The following GALNT13 variants were observed in gnomAD, a reference collection of about 807,000 sequenced individuals.
The protein encoded by GALNT13 is UDP-GalNAc:polypeptide N-acetylgalactosaminyltransferase 13.
GALNT13 carries 28 observed loss-of-function variants against 64.2 expected under a neutral mutation model. The observed-to-expected ratio is 0.44, with a 90% CI of 0.32 to 0.60. The LOEUF is 0.60. Among genes scored for constraint, GALNT13 ranks in the 20% least tolerant of loss-of-function variants. The probability of loss-of-function intolerance (pLI) is 0.05; values close to 1 mark genes in which losing one functional copy is unlikely to be tolerated. For missense variants in GALNT13, 577 were observed against 669.8 expected (o/e 0.86, Z 1.53); for synonymous variants, 214 against 224.6 (o/e 0.95, Z 0.42).
At chr2:154,086,854 A>G (rs2105428846) in intron 3 of GALNT13, among the ~76,000 whole-genome samples, 1 of 152,290 alleles carries the variant, frequency 6.6e-6, no homozygotes, top group Middle Eastern at 3.4e-3. Flanking sequence ...AAGTGAATTT[A>G]TAAACATACC....
intron 3 of GALNT13, among the ~76,000 whole-genome samples, chr2:154,087,406 A>C (rs1279462553): frequency 6.6e-6 from 1 of 152,050 alleles, no homozygotes; most frequent in Non-Finnish European, 1.5e-5. Flanking sequence ...TTATACTGAA[A>C]CATTTTTAAC....
chr2:153,826,705 G>T, the GALNT13 span, among the ~76,000 whole-genome samples: 17 of 152,172 alleles, frequency 1.1e-4, no homozygotes, highest in African/African-American at 3.9e-4. Flanking sequence ...ATGAATGTCT[G>T]GGAAAGGGTA....
the GALNT13 span, among the ~76,000 whole-genome samples, chr2:153,635,439 T>G: frequency 6.9e-6 from 1 of 145,864 alleles, no homozygotes. Flanking sequence ...TATATATATA[T>G]ACACACATAT....
chr2:154,169,209 T>A (rs1029211659), intron 4 of GALNT13, among the ~76,000 whole-genome samples: 1 of 151,982 alleles, frequency 6.6e-6, no homozygotes, highest in African/African-American at 2.4e-5. Context: ...GGAAATCAAA[T>A]CTCAACATGA....
chr2:153,553,259 G>A, the GALNT13 span, among the ~76,000 whole-genome samples: 8 of 144,744 alleles, frequency 5.5e-5, no homozygotes, highest in South Asian at 1.5e-3. Flanking sequence ...AGTCCTTTGG[G>A]AGGTTGAGGC....
chr2:154,285,567 T>C (rs988173827), intron 8 of GALNT13, among the ~76,000 whole-genome samples: 1 of 152,192 alleles, frequency 6.6e-6, no homozygotes, highest in African/African-American at 2.4e-5. Context: ...TCTGTTTTAC[T>C]GGTCTATGTG....
At chr2:153,501,106 G>T in the GALNT13 span, among the ~76,000 whole-genome samples, 1 of 151,866 alleles carries the variant, frequency 6.6e-6, no homozygotes, top group Admixed American at 6.6e-5. Flanking sequence ...ATTTTGGGAA[G>T]CCTATCAAAT....
chr2:153,315,866 A>C, the GALNT13 span, among the ~76,000 whole-genome samples: 1 of 152,216 alleles, frequency 6.6e-6, no homozygotes, highest in Non-Finnish European at 1.5e-5. Context: ...CAAATAGGCA[A>C]GCTACATACT....
chr2:153,415,215 A>C, the GALNT13 span, among the ~76,000 whole-genome samples: 5 of 152,156 alleles, frequency 3.3e-5, no homozygotes, highest in African/African-American at 9.7e-5. Context: ...GTATGTTGAC[A>C]TGGGCCCTGC....
chr2:153,229,692 G>A, the GALNT13 span, among the ~76,000 whole-genome samples: 1 of 152,156 alleles, frequency 6.6e-6, no homozygotes, highest in South Asian at 2.1e-4. Context: ...CATGCATTTG[G>A]TGAGGGTCAG....
At chr2:153,353,782 A>G in the GALNT13 span, among the ~76,000 whole-genome samples, 2 of 152,176 alleles carry the variant, frequency 1.3e-5, no homozygotes, top group Admixed American at 6.5e-5. Context: ...CAAGTCTTAC[A>G]TACCTGGAAT....
the GALNT13 span, among the ~76,000 whole-genome samples, chr2:153,435,804 T>C: frequency 6.6e-6 from 1 of 152,092 alleles, no homozygotes; most frequent in East Asian, 1.9e-4. Context: ...CTTTTCCTAA[T>C]TGAATACCCT....
At chr2:154,327,807 T>C (rs529761264) in intron 9 of GALNT13, among the ~76,000 whole-genome samples, 81 of 152,234 alleles carry the variant, frequency 5.3e-4, no homozygotes, top group African/African-American at 1.9e-3. Flanking sequence ...AAGACAATCA[T>C]TGGATCAAAT....
At chr2:153,134,465 T>A in the GALNT13 span, among the ~76,000 whole-genome samples, 1 of 151,952 alleles carries the variant, frequency 6.6e-6, no homozygotes, top group East Asian at 2.0e-4. Context: ...TATGAAGAGC[T>A]GGTAAGTGGG....
At chr2:153,393,641 G>A in the GALNT13 span, among the ~76,000 whole-genome samples, 1 of 151,836 alleles carries the variant, frequency 6.6e-6, no homozygotes, top group Non-Finnish European at 1.5e-5. Context: ...CATTTTAGGT[G>A]TTTCTGTGAA....
intron 9 of GALNT13, among the ~76,000 whole-genome samples, chr2:154,314,456 T>C (rs1442696537): frequency 6.6e-6 from 1 of 152,178 alleles, no homozygotes; most frequent in Non-Finnish European, 1.5e-5. Flanking sequence ...AGTCTGATTG[T>C]GTTGCTATAA....
rs560337110 is a variant in GALNT13 at position 154,412,863 on chromosome 2, T to C, written c.1395+3781T>C. 5.7e-4 allele frequency among the ~76,000 whole-genome samples: 87 copies of C among 151,960 alleles called. 1 individual carries two copies. Among genetic ancestry groups the C allele is most frequent in the African/African-American group, 1.9e-3 (81 of 41,544 alleles). On this transcript the variant is annotated intron_variant, in intron 11 of 12. Transcript: ENST00000392825. ...CTGTCTTACTCAAAGAATAACAAAATTCAGCACTCCATTTATATCTATTCT... is the reference window on the plus strand; with the variant it reads ...CTGTCTTACTCAAAGAATAACAAAACTCAGCACTCCATTTATATCTATTCT...
the GALNT13 span, among the ~76,000 whole-genome samples, chr2:153,342,142 G>A: frequency 1.3e-5 from 2 of 152,090 alleles, no homozygotes; most frequent in African/African-American, 4.8e-5. Context: ...CCATTTGCAG[G>A]AGCAGACACA....
the GALNT13 span, among the ~76,000 whole-genome samples, chr2:153,510,995 A>G: frequency 6.6e-6 from 1 of 152,084 alleles, no homozygotes; most frequent in Non-Finnish European, 1.5e-5. Context: ...TGAAAGACTG[A>G]CCTAGGAGTT....
Sources: gnomAD v4.1 joint callset for allele counts (sites outside exome capture counted in the v4.1 genomes callset) on GRCh38, gnomAD v4.1.1 for gene constraint, MANE v1.5 for transcripts, NCBI Gene and HGNC (gene_info 2026-07-23, HGNC 2026-07-21) for gene names.